Variants in GNL3L observed in about 807,000 individuals in gnomAD.
The protein encoded by GNL3L is G protein nucleolar 3 like, also known as guanine nucleotide-binding protein-like 3-like protein.
In GNL3L, 4 loss-of-function variants were observed where a neutral mutation model predicts 42.9. The observed-to-expected ratio is 0.09, with a 90% CI of 0.05 to 0.21. The LOEUF is 0.21. Among genes scored for constraint, GNL3L ranks in the 10% least tolerant of loss-of-function variants. GNL3L has a pLI of 1.00. For missense variants in GNL3L, 412 were observed against 481.7 expected, an observed-to-expected ratio of 0.86 and a Z score of 1.36; for synonymous variants, 159 against 176.3, an observed-to-expected ratio of 0.90 and a Z score of 0.78.
intron 16 of GNL3L, among the ~76,000 whole-genome samples, chrX:54,615,563 A>G (rs1477295595): frequency 2.7e-5 from 3 of 112,078 alleles, no homozygotes; most frequent in Non-Finnish European, 5.6e-5. Context: ...AAAAGGCTGG[A>G]GATGTTAATG....
chrX:54,602,156 C>T (rs993951241), intron 16 of GNL3L, among the ~76,000 whole-genome samples: 3 of 111,349 alleles, frequency 2.7e-5, no homozygotes, highest in African/African-American at 9.8e-5. Context: ...AAGGAACTGC[C>T]AAACTGTGTT....
At chrX:54,582,954 C>T (rs1336186280) in intron 16 of GNL3L, among the ~76,000 whole-genome samples, 1 of 111,987 alleles carries the variant, frequency 8.9e-6, no homozygotes, top group East Asian at 2.8e-4. Context: ...CCTGTATTAT[C>T]TCTTCAATGA....
chrX:54,601,128 T>G (rs1926001251), intron 16 of GNL3L, among the ~76,000 whole-genome samples: 2 of 111,131 alleles, frequency 1.8e-5, no homozygotes, highest in Admixed American at 9.6e-5. Context: ...TCTATTCATA[T>G]GAAATGCCCA....
In GNL3L at chrX:54,540,175, C is replaced by T. The variant is rs139466670; in HGVS notation, c.122C>T (p.Pro41Leu). ...GGGAAGAAAGCAACCTCCAAAGTGC[C>T]CTCTGCACCTCATTTTGTTCACCCC... ...QNGKKATSKV[P>L]SAPHFVHPND... Residue 41 changes from proline (P) to leucine (L), a missense_variant, in exon 4 of 16, where the codon CCC becomes CTC. Coordinates refer to ENST00000360845, the MANE Select transcript of GNL3L (RefSeq NM_001184819.2). The T allele has an allele frequency of 1.8e-4, 221 of 1,205,567 alleles. 1 individual carries two copies. The African/African-American group carries it at 3.5e-3, about 19-fold the overall frequency.
chrX:54,587,960 G>A (rs939175500), intron 16 of GNL3L, among the ~76,000 whole-genome samples: 14 of 111,986 alleles, frequency 1.3e-4, no homozygotes, highest in African/African-American at 4.2e-4. Context: ...GATTACAGGC[G>A]TGAGCCACTG....
chrX:54,611,947 A>G (rs760229654), intron 16 of GNL3L, among the ~76,000 whole-genome samples: 5 of 112,237 alleles, frequency 4.5e-5, no homozygotes, highest in African/African-American at 6.5e-5. Flanking sequence ...AATTTGTTCC[A>G]AGGTGTAGTT....
intron 15 of GNL3L, 42 bp downstream of exon 15, chrX:54,558,697 C>A: frequency 1.0e-6 from 1 of 965,248 alleles, no homozygotes; most frequent in Non-Finnish European, 1.4e-6. Context: ...AAGGGGCCCA[C>A]ATGGGATCTT....
chrX:54,621,726 A>C (rs1244567882), downstream of GNL3L, among the ~76,000 whole-genome samples: 1 of 110,538 alleles, frequency 9.0e-6, no homozygotes, highest in East Asian at 2.8e-4. Flanking sequence ...GAATCGCTTG[A>C]ACCCAGGAGG....
intron 16 of GNL3L, among the ~76,000 whole-genome samples, chrX:54,611,033 T>C (rs969848009): frequency 1.8e-5 from 2 of 111,390 alleles, no homozygotes; most frequent in African/African-American, 6.5e-5. Context: ...TGCTTGTTAT[T>C]GGTCTGTTCA....
At chrX:54,552,094 G>A in intron 12 of GNL3L, 120 bp downstream of exon 12, 1 of 884,025 alleles carries the variant, frequency 1.1e-6, no homozygotes, top group Non-Finnish European at 1.6e-6. Context: ...GCAGAGGATG[G>A]CCAAGGTGCC....
intron 9 of GNL3L, 94 bp downstream of exon 9, chrX:54,548,467 C>T (rs41307642): frequency 6.7e-5 from 48 of 719,302 alleles, no homozygotes; most frequent in African/African-American, 3.5e-4. Context: ...TTGTCTTTTG[C>T]GGGGAGAGAG....
At position 54,606,641 on chromosome X, in the gene GNL3L, A is replaced by ATTT. The variant is rs762901505; in HGVS notation, c.*46-14204_*46-14203insTTT. ...TAGGTGTGTGCCACTATGCCAGGCC[A>ATTT]ATTTTTTTTTTTTTTTTGAGGCAGG... On this transcript the variant is annotated intron_variant, in intron 16 of 16. Coordinates refer to the GNL3L transcript ENST00000674498. Among the ~76,000 whole-genome samples the ATTT allele has an allele frequency of 1.1e-4, 11 of 99,668 alleles. 2 individuals carry two copies. The highest frequency in any genetic ancestry group is 1.2e-4 in the African/African-American group (3 of 24,809). The allele number at this position is 99,668 out of a possible 115,157, so 86.5% of individuals were successfully genotyped here.
chrX:54,537,376 T>G (rs114303022), intron 2 of GNL3L, among the ~76,000 whole-genome samples: 4,120 of 110,904 alleles, frequency 0.037, 89 homozygotes, highest in Admixed American at 0.096. Context: ...ACCTCAAGCC[T>G]ATGTTCAACT....
At chrX:54,631,316 A>G in the GNL3L span, among the ~76,000 whole-genome samples, 2 of 110,783 alleles carry the variant, frequency 1.8e-5, no homozygotes, top group South Asian at 3.8e-4. Context: ...TGACCTGTCT[A>G]GTGCTGTCAG....
exon 17 of GNL3L, among the ~76,000 whole-genome samples, chrX:54,621,051 G>A (rs1307999563): frequency 1.8e-5 from 2 of 112,066 alleles, no homozygotes; most frequent in East Asian, 5.6e-4. Context: ...TTCATAAATG[G>A]CTGCAGCAAT....
At position 54,567,213 on chromosome X, in the gene GNL3L, T is replaced by G. The variant is rs1308029130; in HGVS notation, c.*6611T>G. Among the ~76,000 whole-genome samples the G allele has an allele frequency of 8.9e-6, 1 of 112,325 alleles. No homozygotes were observed. Among genetic ancestry groups the G allele is most frequent in the Non-Finnish European group, 1.9e-5 (1 of 53,283 alleles). On this transcript the variant is annotated 3_prime_UTR_variant, in exon 16 of 16. Coordinates refer to ENST00000360845, the MANE Select transcript of GNL3L (RefSeq NM_001184819.2). ...GTCACTTAGTTCTAGTAGCTTTTTTTGCAGATTTAACCAGACTTTCTACAT... is the reference window on the plus strand; with the variant it reads ...GTCACTTAGTTCTAGTAGCTTTTTTGGCAGATTTAACCAGACTTTCTACAT...
chrX:54,558,510 C>A lies in GNL3L; in HGVS notation c.1521C>A (p.His507Gln), dbSNP rs1218784431. The A allele has an allele frequency of 8.3e-7, 1 of 1,207,321 alleles. No individual in the cohort carries two copies. Among genetic ancestry groups the A allele is most frequent in the African/African-American group, 1.8e-5 (1 of 56,996 alleles). ...GGTGGGCTAAACGCAATGTGGACCACCGCCCTAAGAGCAACAGTATGGTGG... is the reference window on the plus strand; with the variant it reads ...GGTGGGCTAAACGCAATGTGGACCAACGCCCTAAGAGCAACAGTATGGTGG... The part of the protein sequence containing the change: ...QMGWAKRNVD[H>Q]RPKSNSMVDV... The change falls in exon 15 of 16, where the codon CAC (histidine) becomes CAA (glutamine). Residue 507 changes from histidine to glutamine, a missense_variant. Coordinates refer to ENST00000360845, the MANE Select transcript of GNL3L (RefSeq NM_001184819.2).
chrX:54,572,508 A>C (rs1439635344), intron 16 of GNL3L, among the ~76,000 whole-genome samples: 1 of 111,841 alleles, frequency 8.9e-6, no homozygotes, highest in Non-Finnish European at 1.9e-5. Flanking sequence ...CCCGTTCTCA[A>C]TGAGCTGTTG....
At chrX:54,603,696 C>A (rs1007846014) in intron 16 of GNL3L, among the ~76,000 whole-genome samples, 2 of 111,098 alleles carry the variant, frequency 1.8e-5, no homozygotes, top group African/African-American at 3.3e-5. Flanking sequence ...CAAATCTTAA[C>A]GTTTTGCCCA....
Sources: allele counts gnomAD v4.1 joint callset (sites outside exome capture counted in the v4.1 genomes callset), GRCh38; gene constraint gnomAD v4.1.1; transcripts MANE v1.5; gene names NCBI Gene and HGNC (gene_info 2026-07-23, HGNC 2026-07-21).